Variants in KLF12 observed in about 807,000 individuals in gnomAD.
KLF12 encodes KLF transcription factor 12, also known as Krueppel-like factor 12.
KLF12 carries 9 observed loss-of-function variants against 37.8 expected under a neutral mutation model. The ratio of observed to expected loss-of-function variants is 0.24; its 90% CI spans 0.14 to 0.42. The LOEUF is 0.42. KLF12 is among the 10% of genes least tolerant of loss of function. KLF12 has a pLI of 1.00. For missense variants in KLF12, 411 were observed against 516.0 expected, an observed-to-expected ratio of 0.80 and a Z score of 1.97; for synonymous variants, 208 against 202.1, an observed-to-expected ratio of 1.03 and a Z score of -0.25.
chr13:74,184,535 C>A, the KLF12 span, among the ~76,000 whole-genome samples: 1 of 152,202 alleles, frequency 6.6e-6, no homozygotes, highest in Non-Finnish European at 1.5e-5. Flanking sequence ...TGAGAAAGAA[C>A]TGTGTAACCA....
chr13:74,180,088 T>C, the KLF12 span, among the ~76,000 whole-genome samples: 3 of 152,232 alleles, frequency 2.0e-5, no homozygotes, highest in African/African-American at 7.2e-5. Context: ...ATTCCTTGGC[T>C]GTTTTAAGAG....
At chr13:73,782,442 C>T (rs1456828355) in intron 5 of KLF12, among the ~76,000 whole-genome samples, 1 of 152,146 alleles carries the variant, frequency 6.6e-6, no homozygotes, top group Non-Finnish European at 1.5e-5. Context: ...TAAGTGACTA[C>T]GATGAAGACT....
chr13:73,971,970 C>T (rs1414535502), intron 2 of KLF12, among the ~76,000 whole-genome samples: 1 of 152,100 alleles, frequency 6.6e-6, no homozygotes, highest in Non-Finnish European at 1.5e-5. Context: ...ACCAGCTGTA[C>T]AATTACACTC....
chr13:74,300,852 G>T, the KLF12 span, among the ~76,000 whole-genome samples: 1 of 152,204 alleles, frequency 6.6e-6, no homozygotes, highest in Non-Finnish European at 1.5e-5. Context: ...CCTGGGATGA[G>T]ATTGAGAAAA....
chr13:73,973,777 A>G (rs1333193962), intron 2 of KLF12, among the ~76,000 whole-genome samples: 1 of 152,164 alleles, frequency 6.6e-6, no homozygotes, highest in Non-Finnish European at 1.5e-5. Context: ...CATGCAAAGG[A>G]GGAAAAAGCA....
chr13:73,954,305 A>G (rs1352279633), intron 2 of KLF12, among the ~76,000 whole-genome samples: 1 of 151,844 alleles, frequency 6.6e-6, no homozygotes, highest in African/African-American at 2.4e-5. Context: ...AAGAATCTAC[A>G]TTCATTCTCT....
intron 3 of KLF12, among the ~76,000 whole-genome samples, chr13:73,940,116 C>T (rs182712788): frequency 6.6e-6 from 1 of 152,262 alleles, no homozygotes; most frequent in African/African-American, 2.4e-5. Flanking sequence ...TACCTTATCT[C>T]TGGGTGTGAT....
Position 73,810,561 on chromosome 13 carries a change from C to G in KLF12, c.806+2591G>C, listed in dbSNP as rs191678285. On this transcript the variant is annotated intron_variant, in intron 5 of 7. Coordinates refer to ENST00000377669, the MANE Select transcript of KLF12 (RefSeq NM_007249.5). ...GGGATTACAGGTGTGAGCCACCACG[C>G]CCGGCTGTAAGCATACTTTAGATTT... 4.5e-3 allele frequency among the ~76,000 whole-genome samples: 683 copies of G among 152,100 alleles called. 8 individuals are homozygous for G. The highest frequency in any genetic ancestry group is 0.016 in the African/African-American group (646 of 41,454).
chr13:74,173,508 C>CTTAT, the KLF12 span, among the ~76,000 whole-genome samples: 1 of 152,148 alleles, frequency 6.6e-6, no homozygotes, highest in Non-Finnish European at 1.5e-5. Flanking sequence ...AGCCTGTGTG[C>CTTAT]TTATGTGCTG....
intron 5 of KLF12, among the ~76,000 whole-genome samples, chr13:73,766,200 A>G (rs1372444375): frequency 6.6e-6 from 1 of 152,144 alleles, no homozygotes; most frequent in Non-Finnish European, 1.5e-5. Flanking sequence ...AATTATGCAG[A>G]AAGATGGAGA....
At chr13:74,102,960 T>G (rs533998756) in intron 1 of KLF12, among the ~76,000 whole-genome samples, 5 of 152,356 alleles carry the variant, frequency 3.3e-5, no homozygotes, top group African/African-American at 1.2e-4. Flanking sequence ...CATATCAACA[T>G]GGACTTCCTC....
chr13:74,010,291 C>T (rs1054405918), intron 1 of KLF12, among the ~76,000 whole-genome samples: 5 of 152,206 alleles, frequency 3.3e-5, no homozygotes, highest in African/African-American at 1.2e-4. Flanking sequence ...CACCACCCTA[C>T]ACACATACCC....
chr13:73,838,910 C>T (rs1884582126), intron 4 of KLF12, among the ~76,000 whole-genome samples: 1 of 152,152 alleles, frequency 6.6e-6, no homozygotes, highest in Admixed American at 6.5e-5. Context: ...AAAATACCCA[C>T]CTGGCTGCAC....
chr13:74,129,773 A>T (rs1593924615), intron 1 of KLF12, among the ~76,000 whole-genome samples: 1 of 152,218 alleles, frequency 6.6e-6, no homozygotes, highest in Non-Finnish European at 1.5e-5. Flanking sequence ...CGACCAAAAC[A>T]AATTTTTATG....
intron 2 of KLF12, among the ~76,000 whole-genome samples, chr13:73,973,903 T>A (rs1434047895): frequency 6.6e-6 from 1 of 151,846 alleles, no homozygotes; most frequent in Admixed American, 6.6e-5. Context: ...AACAGAAAGA[T>A]GTCACCAAGC....
chr13:73,882,096 A>G (rs1280600816), intron 3 of KLF12, among the ~76,000 whole-genome samples: 1 of 152,108 alleles, frequency 6.6e-6, no homozygotes, highest in Admixed American at 6.6e-5. Context: ...ATACAAAGTG[A>G]GGAGGGGTGG....
At chr13:73,752,721 C>T (rs1182027876) in intron 6 of KLF12, among the ~76,000 whole-genome samples, 1 of 57,808 alleles carries the variant, frequency 1.7e-5, no homozygotes, top group Non-Finnish European at 3.0e-5. Flanking sequence ...TGCTCCCTTC[C>T]ACATATATAT....
chr13:73,953,721 G>T (rs934428769), intron 2 of KLF12, among the ~76,000 whole-genome samples: 5 of 152,102 alleles, frequency 3.3e-5, no homozygotes, highest in Admixed American at 2.0e-4. Context: ...ACCCAAAATG[G>T]ATTAACTTTC....
intron 7 of KLF12, among the ~76,000 whole-genome samples, chr13:73,700,495 G>A (rs1040530151): frequency 5.3e-5 from 8 of 151,244 alleles, no homozygotes; most frequent in Admixed American, 3.3e-4. Flanking sequence ...ACACTTTTAC[G>A]ATCCCCCCAA....
Sources: allele counts gnomAD v4.1 joint callset (sites outside exome capture counted in the v4.1 genomes callset), GRCh38; gene constraint gnomAD v4.1.1; transcripts MANE v1.5; gene names NCBI Gene and HGNC (gene_info 2026-07-23, HGNC 2026-07-21).